Variants in KIF16B observed in about 807,000 individuals in gnomAD.
KIF16B encodes kinesin-like protein KIF16B.
A neutral mutation model predicts 156.3 loss-of-function variants in KIF16B; 98 were observed. That is an observed-to-expected ratio of 0.63 (90% CI 0.53 to 0.74). KIF16B has a LOEUF of 0.74. Ranked by LOEUF, KIF16B falls within the 30% of genes least tolerant of loss-of-function variation. KIF16B has a pLI of 0.00. For synonymous variants in KIF16B, 564 were observed against 583.7 expected (o/e 0.97, Z 0.49); for missense variants, 1,421 against 1,606.5 (o/e 0.88, Z 1.97).
chr20:16,300,323 T>G (rs998272285), intron 25 of KIF16B, among the ~76,000 whole-genome samples: 1 of 152,096 alleles, frequency 6.6e-6, no homozygotes, highest in South Asian at 2.1e-4. Context: ...AAAATATAAA[T>G]TATCATATGC....
At chr20:16,387,674 G>A (rs2065260986) in intron 17 of KIF16B, among the ~76,000 whole-genome samples, 1 of 152,198 alleles carries the variant, frequency 6.6e-6, no homozygotes, top group Non-Finnish European at 1.5e-5. Context: ...GGGAGGAGAA[G>A]GCAACTGTAC....
chr20:16,368,225 C>A, intron 22 of KIF16B: 2 of 1,012,772 alleles, frequency 2.0e-6, no homozygotes, highest in Non-Finnish European at 2.4e-6. Context: ...CTCTTTCTAG[C>A]ATCTTCATAT....
rs546958284 is a variant in KIF16B, at chr20:16,489,060, G to A, written c.1302+5231C>T. Among the ~76,000 whole-genome samples the A allele has an allele frequency of 5.8e-4, 88 of 152,318 alleles. 1 individual carries two copies. The highest frequency in any genetic ancestry group is 1.1e-3 in the Non-Finnish European group (73 of 68,030). ...GAAGGAACAGCTGGAAAGCCATTAG[G>A]AACAGTAAGGCCACCCACAAACTGG... is the stretch of plus-strand genomic sequence containing the variant. On this transcript the variant is annotated intron_variant, in intron 12 of 25. Transcript: ENST00000354981.
intron 25 of KIF16B, among the ~76,000 whole-genome samples, chr20:16,279,000 C>G (rs986883775): frequency 6.6e-6 from 1 of 152,146 alleles, no homozygotes; most frequent in Non-Finnish European, 1.5e-5. Context: ...GGGGAAGGTC[C>G]TGTTTCTCTG....
At chr20:16,308,437 C>T (rs1046075844) in intron 25 of KIF16B, among the ~76,000 whole-genome samples, 4 of 152,196 alleles carry the variant, frequency 2.6e-5, no homozygotes, top group Non-Finnish European at 4.4e-5. Flanking sequence ...CTTTTTTCAA[C>T]AGCAATGGCC....
intron 23 of KIF16B, among the ~76,000 whole-genome samples, chr20:16,352,832 C>T (rs971906763): frequency 2.0e-5 from 3 of 152,160 alleles, no homozygotes; most frequent in African/African-American, 7.2e-5. Flanking sequence ...GCCTCAACAC[C>T]AAGTGGGCCC....
chr20:16,318,842 C>T (rs2063735170), intron 24 of KIF16B, among the ~76,000 whole-genome samples: 1 of 152,148 alleles, frequency 6.6e-6, no homozygotes, highest in Non-Finnish European at 1.5e-5. Context: ...CCCATTATTT[C>T]CCCACTCCTG....
intron 1 of KIF16B, among the ~76,000 whole-genome samples, chr20:16,570,002 G>A (rs1447838095): frequency 6.6e-6 from 1 of 150,882 alleles, no homozygotes. Context: ...GTGTACATTT[G>A]TTAGCACACA....
chr20:16,511,848 C>G (rs1423404006), intron 5 of KIF16B, among the ~76,000 whole-genome samples: 1 of 152,142 alleles, frequency 6.6e-6, no homozygotes, highest in Admixed American at 6.6e-5. Flanking sequence ...ATTTCCAAGA[C>G]TGTATCAAGA....
chr20:16,409,945 CTACATATATATATATATATATA>C lies in KIF16B; in HGVS notation c.1613-3511_1613-3490del, dbSNP rs1159289960. On this transcript the variant is annotated intron_variant, in intron 15 of 25. Transcript: ENST00000354981. ...TCGATCTACCTTCCTACCCACTTAC[CTACATATATATATATATATATA>C]TACATATATATATATATATATATAT... Among the ~76,000 whole-genome samples, 21 of 73,228 alleles carry C rather than the reference CTACATATATATATATATATATA, an allele frequency of 2.9e-4. No individual in the cohort carries two copies. In the East Asian group the frequency reaches 5.7e-3, roughly 20 times the overall value. The allele number at this position is 73,228 out of a possible 152,430, so 48.0% of individuals were successfully genotyped here.
chr20:16,464,208 A>C lies in KIF16B; in HGVS notation c.1302+30083T>G, dbSNP rs145159161. On this transcript the variant is annotated intron_variant, in intron 12 of 25. Coordinates refer to ENST00000354981, the MANE Select transcript of KIF16B (RefSeq NM_024704.5). ...TGGAGGCATTTTTAAAAATAATTAG[A>C]GCCTCACCGTTACAGGAAATATTTA... Among the ~76,000 whole-genome samples, 476 of 152,348 alleles carry C rather than the reference A, an allele frequency of 3.1e-3. 3 individuals are homozygous for C. Among genetic ancestry groups the C allele is most frequent in the East Asian group, 0.019 (101 of 5,190 alleles).
intron 1 of KIF16B, among the ~76,000 whole-genome samples, chr20:16,560,778 T>C (rs1230588023): frequency 6.6e-6 from 1 of 151,730 alleles, no homozygotes; most frequent in Non-Finnish European, 1.5e-5. Flanking sequence ...AAGTGAGATA[T>C]TATCTCAAAA....
At chr20:16,459,860 T>C (rs1304896190) in intron 12 of KIF16B, among the ~76,000 whole-genome samples, 2 of 152,224 alleles carry the variant, frequency 1.3e-5, no homozygotes, top group African/African-American at 4.8e-5. Context: ...CCTTTACTTC[T>C]GACCTGTGCT....
rs557860453 is a variant in KIF16B, at chr20:16,499,046, A to T, written c.1177-1368T>A. Among the ~76,000 whole-genome samples, 44 of 152,232 alleles carry T rather than the reference A, an allele frequency of 2.9e-4. 1 individual carries two copies. The South Asian group carries it at 8.7e-3, about 30-fold the overall frequency. On this transcript the variant is annotated intron_variant, in intron 10 of 25. Transcript: ENST00000354981. ...TCTTGGTAGGCAAGGTCCTCGTGAC[A>T]GTCTATGCAGTAGTCCTCAGAGATG...
chr20:16,415,170 A>G, intron 15 of KIF16B, among the ~76,000 whole-genome samples: 1 of 152,152 alleles, frequency 6.6e-6, no homozygotes, highest in Non-Finnish European at 1.5e-5. Flanking sequence ...GGGCAATTCA[A>G]GACAGTGTAT....
chr20:16,525,125 T>G (rs2069493164), intron 3 of KIF16B, among the ~76,000 whole-genome samples: 1 of 152,092 alleles, frequency 6.6e-6, no homozygotes, highest in Non-Finnish European at 1.5e-5. Context: ...TGTATACCTA[T>G]GTAACAAATC....
chr20:16,527,265 C>A lies in KIF16B; in HGVS notation c.118-1060G>T, dbSNP rs1038042257. Among the ~76,000 whole-genome samples, 5 of 152,340 alleles carry A rather than the reference C, an allele frequency of 3.3e-5. No homozygotes were observed. In the East Asian group the frequency reaches 7.7e-4, roughly 24 times the overall value. The stretch of plus-strand genomic sequence containing the variant: ...GAAAGGCATCCAGTGGAGAATGCCT[C>A]AGGCAAAGGACACCAGCGCCTTAAT... On this transcript the variant is annotated intron_variant, in intron 2 of 25. Coordinates refer to ENST00000354981, the MANE Select transcript of KIF16B (RefSeq NM_024704.5).
intron 17 of KIF16B, among the ~76,000 whole-genome samples, chr20:16,397,686 C>G (rs903683595): frequency 1.4e-4 from 21 of 152,132 alleles, no homozygotes; most frequent in African/African-American, 4.3e-4. Context: ...CAGTCAATTG[C>G]AAAAACATAC....
chr20:16,554,139 A>G (rs2070762915), intron 1 of KIF16B, among the ~76,000 whole-genome samples: 1 of 152,184 alleles, frequency 6.6e-6, no homozygotes, highest in African/African-American at 2.4e-5. Flanking sequence ...CCCAGCTTCA[A>G]ACTGAGGAGG....
Sources: gnomAD v4.1 joint callset for allele counts (sites outside exome capture counted in the v4.1 genomes callset) on GRCh38, gnomAD v4.1.1 for gene constraint, MANE v1.5 for transcripts, NCBI Gene and HGNC (gene_info 2026-07-23, HGNC 2026-07-21) for gene names.